The following ESRRG variants were observed in gnomAD, a reference collection of about 807,000 sequenced individuals.
The protein encoded by ESRRG is estrogen related receptor gamma.
In ESRRG, 13 loss-of-function variants were observed where a neutral mutation model predicts 44.0. The ratio of observed to expected loss-of-function variants is 0.30; its 90% confidence interval spans 0.19 to 0.47. The LOEUF is 0.47. ESRRG is among the 20% of genes least tolerant of loss of function. The pLI, the probability that ESRRG is intolerant of heterozygous loss-of-function variation, is 1.00. For synonymous variants in ESRRG, 215 were observed against 214.6 expected (o/e 1.00, Z -0.02); for missense variants, 395 against 580.6 (o/e 0.68, Z 3.29).
intron 5 of ESRRG, among the ~76,000 whole-genome samples, chr1:216,538,977 T>C (rs771796164): frequency 1.6e-4 from 24 of 152,018 alleles, no homozygotes; most frequent in Admixed American, 1.1e-3. Flanking sequence ...CAATTAACAA[T>C]TACTCTAGCA....
intron 2 of ESRRG, among the ~76,000 whole-genome samples, chr1:216,871,500 G>A (rs2096259120): frequency 6.6e-6 from 1 of 151,976 alleles, no homozygotes; most frequent in African/African-American, 2.4e-5. Context: ...TTGGTTGATG[G>A]TGTTGTTCAG....
intron 6 of ESRRG, among the ~76,000 whole-genome samples, chr1:216,513,559 A>G (rs1294042433): frequency 6.6e-6 from 1 of 152,076 alleles, no homozygotes; most frequent in Non-Finnish European, 1.5e-5. Flanking sequence ...TTTCTTTGAC[A>G]TTTACACCAG....
At chr1:216,813,272 T>C (rs763472001) in intron 2 of ESRRG, among the ~76,000 whole-genome samples, 1 of 152,182 alleles carries the variant, frequency 6.6e-6, no homozygotes, top group Non-Finnish European at 1.5e-5. Context: ...TTCTGGACAC[T>C]AAGTGGCTCA....
chr1:216,903,867 A>C (rs1031438091), intron 2 of ESRRG, among the ~76,000 whole-genome samples: 1 of 152,102 alleles, frequency 6.6e-6, no homozygotes, highest in African/African-American at 2.4e-5. Context: ...TGCAGGATCC[A>C]ATTATGTTCT....
At chr1:216,750,534 C>A (rs1235243839) in intron 2 of ESRRG, among the ~76,000 whole-genome samples, 2 of 152,012 alleles carry the variant, frequency 1.3e-5, no homozygotes, top group East Asian at 1.9e-4. Flanking sequence ...TCTTTCTAAC[C>A]CTATTTAAAT....
intron 2 of ESRRG, among the ~76,000 whole-genome samples, chr1:216,844,066 T>TA (rs1577160560): frequency 6.6e-6 from 1 of 152,070 alleles, no homozygotes; most frequent in East Asian, 1.9e-4. Context: ...TTCTTTTCTT[T>TA]AAAAAACTAA....
intron 1 of ESRRG, among the ~76,000 whole-genome samples, chr1:217,013,185 C>T (rs1297663162): frequency 1.3e-5 from 2 of 152,152 alleles, no homozygotes; most frequent in Non-Finnish European, 2.9e-5. Flanking sequence ...GTTAGGACTC[C>T]AAAATATCTT....
chr1:217,090,618 G>C (rs529461297), upstream of ESRRG: 1 of 152,188 alleles, frequency 6.6e-6, no homozygotes, highest in South Asian at 2.1e-4. Context: ...AATGGGGAGG[G>C]GTCAGGGAAG....
At chr1:217,102,722 T>A (rs2092535644) in intron 1 of ESRRG, among the ~76,000 whole-genome samples, 1 of 152,238 alleles carries the variant, frequency 6.6e-6, no homozygotes, top group African/African-American at 2.4e-5. Context: ...AATCCATCAT[T>A]CACAGGTAAA....
chr1:216,592,702 C>A (rs1361811460), intron 3 of ESRRG, among the ~76,000 whole-genome samples: 1 of 152,044 alleles, frequency 6.6e-6, no homozygotes, highest in African/African-American at 2.4e-5. Flanking sequence ...GTTTCTCCAT[C>A]TTGGCCTGGC....
At chr1:216,987,348 G>T (rs961819245) in intron 1 of ESRRG, among the ~76,000 whole-genome samples, 2 of 152,200 alleles carry the variant, frequency 1.3e-5, no homozygotes, top group Admixed American at 6.5e-5. Context: ...CAATGCTAGT[G>T]GCACCAGGGA....
intron 2 of ESRRG, among the ~76,000 whole-genome samples, chr1:216,775,865 A>AT (rs879514502): frequency 6.6e-6 from 1 of 151,488 alleles, no homozygotes; most frequent in Admixed American, 6.6e-5. Context: ...GTGCCAAGCT[A>AT]TTTTTTTATA....
At chr1:216,668,713 C>T (rs1159594475) in intron 2 of ESRRG, among the ~76,000 whole-genome samples, 2 of 152,120 alleles carry the variant, frequency 1.3e-5, no homozygotes, top group Admixed American at 6.5e-5. Context: ...AGCCAACACA[C>T]ACACACACTC....
intron 3 of ESRRG, among the ~76,000 whole-genome samples, chr1:216,609,437 G>T (rs963496155): frequency 2.0e-5 from 3 of 152,190 alleles, no homozygotes; most frequent in African/African-American, 7.2e-5. Context: ...CTACCCTGGA[G>T]AACACATTTC....
intron 2 of ESRRG, among the ~76,000 whole-genome samples, chr1:216,660,304 A>G (rs2071951822): frequency 6.6e-6 from 1 of 152,194 alleles, no homozygotes; most frequent in African/African-American, 2.4e-5. Flanking sequence ...AAATGCATCC[A>G]CAAATACTTA....
At chr1:216,939,332 C>A (rs1158643485) in intron 2 of ESRRG, among the ~76,000 whole-genome samples, 1 of 52,160 alleles carries the variant, frequency 1.9e-5, no homozygotes, top group African/African-American at 7.1e-5. Flanking sequence ...CCAGAATATC[C>A]TACACATAGA....
At chr1:217,030,451 G>A (rs2081913599) in intron 1 of ESRRG, among the ~76,000 whole-genome samples, 1 of 152,156 alleles carries the variant, frequency 6.6e-6, no homozygotes, top group African/African-American at 2.4e-5. Flanking sequence ...ACAGTGTGGT[G>A]GGAAGGCCAC....
At chr1:216,904,958 C>T (rs977474087) in intron 2 of ESRRG, among the ~76,000 whole-genome samples, 1 of 152,184 alleles carries the variant, frequency 6.6e-6, no homozygotes, top group African/African-American at 2.4e-5. Context: ...GGCAGCCTTT[C>T]AATACCATCC....
At chr1:217,016,067 T>G (rs1560480175) in intron 1 of ESRRG, among the ~76,000 whole-genome samples, 2 of 151,942 alleles carry the variant, frequency 1.3e-5, no homozygotes, top group Non-Finnish European at 2.9e-5. Context: ...AGGAGTAGAC[T>G]GGAAGGGAGA....
Sources: allele counts gnomAD v4.1 joint callset (sites outside exome capture counted in the v4.1 genomes callset), GRCh38; gene constraint gnomAD v4.1.1; transcripts MANE v1.5; gene names NCBI Gene and HGNC (gene_info 2026-07-23, HGNC 2026-07-21).